Variants in MICU2 observed in about 807,000 individuals in gnomAD.
MICU2 encodes mitochondrial calcium uptake 2, also known as calcium uptake protein 2, mitochondrial.
MICU2 carries 64 observed loss-of-function variants against 60.4 expected under a neutral mutation model. The ratio of observed to expected loss-of-function variants is 1.06; its 90% confidence interval spans 0.87 to 1.31. The LOEUF is 1.31. Among genes scored for constraint, MICU2 ranks in the 50% most tolerant of loss-of-function variants. MICU2 has a pLI of 0.00. For missense variants in MICU2, 569 were observed against 531.0 expected, an observed-to-expected ratio of 1.07 and a Z score of -0.70; for synonymous variants, 201 against 175.0, an observed-to-expected ratio of 1.15 and a Z score of -1.17.
At chr13:21,523,811 T>A (rs927221912) in intron 4 of MICU2, among the ~76,000 whole-genome samples, 2 of 152,250 alleles carry the variant, frequency 1.3e-5, no homozygotes, top group Non-Finnish European at 1.5e-5. Context: ...GATCACTGAC[T>A]TTCACATTTT....
At chr13:21,521,217 A>T in intron 6 of MICU2, 28 bp downstream of exon 6, 1 of 1,498,308 alleles carries the variant, frequency 6.7e-7, no homozygotes, top group South Asian at 1.2e-5. Flanking sequence ...ATTTTATGAT[A>T]AACCTAAAAT....
chr13:21,603,817 C>A (rs986649234), intron 1 of MICU2, 122 bp downstream of exon 1: 1 of 1,122,942 alleles, frequency 8.9e-7, no homozygotes, highest in Non-Finnish European at 1.3e-6. Context: ...GCGCTCCGAT[C>A]CGCAGCGGCA....
intron 4 of MICU2, among the ~76,000 whole-genome samples, chr13:21,526,850 A>G (rs1886869761): frequency 6.6e-6 from 1 of 152,126 alleles, no homozygotes; most frequent in South Asian, 2.1e-4. Context: ...CAGGAAGAAT[A>G]AAGAGCTGCA....
chr13:21,511,260 G>A (rs1219756057), intron 7 of MICU2, among the ~76,000 whole-genome samples: 1 of 152,132 alleles, frequency 6.6e-6, no homozygotes, highest in East Asian at 1.9e-4. Flanking sequence ...CAGATATGGT[G>A]GGAAGAGTAT....
rs1318389251 is a variant in MICU2, at chr13:21,517,791, A to ACG, written c.598-3374_598-3373insCG. Among the ~76,000 whole-genome samples, 561 of 97,978 alleles carry ACG rather than the reference A, an allele frequency of 5.7e-3. 3 individuals carry two copies. Among genetic ancestry groups the ACG allele is most frequent in the African/African-American group, 0.019 (516 of 26,580 alleles). The allele number at this position is 97,978 out of a possible 152,430, so 64.3% of individuals were successfully genotyped here. On this transcript the variant is annotated intron_variant, in intron 6 of 11. Transcript: ENST00000382374. ...CGAGGACACACACACACACACACAC[A>ACG]CACACACACGCGCGCGCGCGCGCAC...
intron 2 of MICU2, among the ~76,000 whole-genome samples, chr13:21,553,702 A>C (rs1417483294): frequency 6.6e-6 from 1 of 152,214 alleles, no homozygotes; most frequent in East Asian, 1.9e-4. Context: ...TTAAATGTAA[A>C]TGGGCTAAAT....
chr13:21,592,668 C>A (rs542329997), intron 1 of MICU2, among the ~76,000 whole-genome samples: 1 of 152,310 alleles, frequency 6.6e-6, no homozygotes, highest in African/African-American at 2.4e-5. Flanking sequence ...TTATCCACCA[C>A]GATCAAGTCG....
chr13:21,591,230 T>C (rs1593359473), intron 1 of MICU2, among the ~76,000 whole-genome samples: 1 of 149,698 alleles, frequency 6.7e-6, no homozygotes. Flanking sequence ...GTTGCAATCC[T>C]AGTCTCTGAC....
chr13:21,549,127 C>T (rs1397030657), intron 2 of MICU2, among the ~76,000 whole-genome samples: 2 of 151,692 alleles, frequency 1.3e-5, no homozygotes, highest in Non-Finnish European at 2.9e-5. Flanking sequence ...GACGGGGTTT[C>T]ACCGTGTTAG....
chr13:21,538,938 T>C (rs993726905), intron 4 of MICU2, among the ~76,000 whole-genome samples: 2 of 152,144 alleles, frequency 1.3e-5, no homozygotes, highest in Non-Finnish European at 2.9e-5. Flanking sequence ...GTTCCCTTTT[T>C]CTTTAACACT....
intron 2 of MICU2, among the ~76,000 whole-genome samples, chr13:21,561,939 T>C (rs36162109): frequency 7.1e-6 from 1 of 140,402 alleles, no homozygotes; most frequent in African/African-American, 2.6e-5. Flanking sequence ...TCAATTCCCA[T>C]CTATGAGTGA....
chr13:21,532,357 T>C (rs903131404), intron 4 of MICU2, among the ~76,000 whole-genome samples: 2 of 152,230 alleles, frequency 1.3e-5, no homozygotes, highest in African/African-American at 2.4e-5. Context: ...TTCATACTTA[T>C]GCCTCAAAAA....
rs141723441 is a variant in MICU2, at chr13:21,550,063, C to T, written c.359-10375G>A. On this transcript the variant is annotated intron_variant, in intron 2 of 11. Transcript: ENST00000382374. ...TTAGTTTTCCCTTAAATATTACTAC[C>T]AACAATGATTGTAAGGTCTAGCTGC... is the stretch of plus-strand genomic sequence containing the variant. 2.1e-4 allele frequency among the ~76,000 whole-genome samples: 32 copies of T among 152,210 alleles called. 1 individual carries two copies. In the East Asian group the frequency reaches 6.0e-3, roughly 28 times the overall value.
intron 1 of MICU2, among the ~76,000 whole-genome samples, chr13:21,587,422 A>C (rs1034745458): frequency 6.6e-6 from 1 of 152,208 alleles, no homozygotes; most frequent in Non-Finnish European, 1.5e-5. Context: ...TAGAAATCTA[A>C]TTTGTTTACC....
rs930455602 is a variant in MICU2, at chr13:21,603,976, A to G, written c.173T>C (p.Val58Ala). 1.9e-6 allele frequency: 3 copies of G among 1,612,242 alleles called. No homozygotes were observed. Among genetic ancestry groups the G allele is most frequent in the African/African-American group, 1.3e-5 (1 of 74,814 alleles). The change falls in exon 1 of 12, where the codon GTT (valine) becomes GCT (alanine). Residue 58 changes from valine to alanine, a missense_variant. Coordinates refer to ENST00000382374, the MANE Select transcript of MICU2 (RefSeq NM_152726.3). ...TGTAAAACTGCCATCCCGCGCCGCA[A>G]CACTGACGCGGCTGTGGTGCCAGGC... ...GAAWHHSRVS[V>A]AARDGSFTVS...
chr13:21,493,516 T>C (rs555681200), intron 11 of MICU2, among the ~76,000 whole-genome samples, 163 bp from the exon 12 acceptor site: 1 of 152,112 alleles, frequency 6.6e-6, no homozygotes, highest in East Asian at 1.9e-4. Context: ...AAAATGGGGG[T>C]AAAAGACAAA....
intron 4 of MICU2, among the ~76,000 whole-genome samples, chr13:21,526,795 T>C (rs1342909049): frequency 7.8e-6 from 1 of 127,464 alleles, no homozygotes; most frequent in Non-Finnish European, 1.7e-5. Flanking sequence ...AATGCTCATG[T>C]GGAAGCAGCA....
At chr13:21,542,521 G>T (rs566375239) in intron 2 of MICU2, among the ~76,000 whole-genome samples, 5 of 151,908 alleles carry the variant, frequency 3.3e-5, no homozygotes, top group Non-Finnish European at 5.9e-5. Context: ...TATTTTCACA[G>T]CTATTTGATA....
At chr13:21,583,243 T>C (rs1012739263) in intron 1 of MICU2, among the ~76,000 whole-genome samples, 1 of 152,160 alleles carries the variant, frequency 6.6e-6, no homozygotes, top group Admixed American at 6.5e-5. Flanking sequence ...AGACCTTGTC[T>C]ATATAAGTAG....
Sources: allele counts gnomAD v4.1 joint callset (sites outside exome capture counted in the v4.1 genomes callset), GRCh38; gene constraint gnomAD v4.1.1; transcripts MANE v1.5; gene names NCBI Gene and HGNC (gene_info 2026-07-23, HGNC 2026-07-21).